Variants in FABP7 observed in about 807,000 individuals in gnomAD.
FABP7 encodes the protein fatty acid binding protein 7.
FABP7 carries 13 observed loss-of-function variants against 14.2 expected under a neutral mutation model. The ratio of observed to expected loss-of-function variants is 0.91; its 90% confidence interval spans 0.59 to 1.45. The LOEUF (loss-of-function observed/expected upper bound fraction) is 1.45, where lower values mean the gene tolerates loss of function less well. Ranked by LOEUF, FABP7 falls within the 40% of genes most tolerant of loss-of-function variation. The pLI, the probability that FABP7 is intolerant of heterozygous loss-of-function variation, is 0.00. For synonymous variants in FABP7, 49 were observed against 51.4 expected (o/e 0.95, Z 0.20); for missense variants, 149 against 157.6 (o/e 0.95, Z 0.29).
In FABP7 at chr6:122,781,080, T is replaced by C; in HGVS notation, c.247-13T>C. 14 of 1,606,970 alleles carry C rather than the reference T, an allele frequency of 8.7e-6. No individual in the cohort carries two copies. Among genetic ancestry groups the C allele is most frequent in the Non-Finnish European group, 1.2e-5 (14 of 1,174,774 alleles). On this transcript the variant is annotated splice_polypyrimidine_tract_variant and intron_variant, in intron 2 of 3. Coordinates refer to ENST00000368444, the MANE Select transcript of FABP7 (RefSeq NM_001446.5). ...ATTTATTGCTATGTTCTGCATTTTG[T>C]TGTTGGTCTCAGTCTGTTGTTAGCC...
the FABP7 span, among the ~76,000 whole-genome samples, chr6:122,758,482 A>G: frequency 6.6e-6 from 1 of 152,194 alleles, no homozygotes; most frequent in African/African-American, 2.4e-5. Flanking sequence ...ACAAAAGATG[A>G]GTGCTGATAG....
chr6:122,781,596 T>A (rs1473806718), intron 3 of FABP7: 1 of 1,171,722 alleles, frequency 8.5e-7, no homozygotes, highest in Non-Finnish European at 1.1e-6. Flanking sequence ...CAGATGACTT[T>A]ATAGCTCCTG....
At chr6:122,778,306 T>C (rs1018724622), upstream of FABP7, among the ~76,000 whole-genome samples, 1 of 152,148 alleles carries the variant, frequency 6.6e-6, no homozygotes, top group African/African-American at 2.4e-5. Context: ...TACAGTTGGG[T>C]GCATGGTGGT....
At chr6:122,770,042 A>C in the FABP7 span, among the ~76,000 whole-genome samples, 1 of 152,256 alleles carries the variant, frequency 6.6e-6, no homozygotes, top group East Asian at 1.9e-4. Flanking sequence ...TCTTCAACAA[A>C]TTCTCTTGCA....
chr6:122,767,841 G>T, the FABP7 span, among the ~76,000 whole-genome samples: 1 of 151,464 alleles, frequency 6.6e-6, no homozygotes, highest in South Asian at 2.1e-4. Context: ...TTGGGTAGGT[G>T]GTTTCCTTAA....
upstream of FABP7, chr6:122,779,704 G>A (rs1780732752): frequency 2.4e-6 from 3 of 1,235,254 alleles, no homozygotes; most frequent in East Asian, 4.7e-5. Flanking sequence ...GGCAGGAGCT[G>A]CTTGCTGAGG....
Position 122,783,716 on chromosome 6 carries a change from G to A in FABP7, c.349-1G>A. The A allele has an allele frequency of 3.7e-6, 6 of 1,602,664 alleles. No homozygotes were observed. Among genetic ancestry groups the A allele is most frequent in the Non-Finnish European group, 5.1e-6 (6 of 1,176,736 alleles). ...ATTTGATTATCTTTTGAACCTTGCA[G>A]ACCCTTACTTTTGGTGATGTGGTTG... On this transcript the variant is annotated splice_acceptor_variant, in intron 3 of 3. Transcript: ENST00000368444. LOFTEE classifies it high-confidence loss of function.
intron 2 of FABP7, 133 bp downstream of exon 2, chr6:122,780,596 C>A (rs1346968025): frequency 3.1e-6 from 3 of 966,572 alleles, no homozygotes; most frequent in African/African-American, 3.3e-5. Context: ...GAGAAATACA[C>A]CAAAGTTAGT....
the FABP7 span, among the ~76,000 whole-genome samples, chr6:122,768,618 G>A: frequency 1.3e-5 from 2 of 152,064 alleles, no homozygotes; most frequent in Admixed American, 1.3e-4. Flanking sequence ...TCACATGTGG[G>A]TGTTTATTAC....
At chr6:122,779,677 C>A, upstream of FABP7, 5 of 917,896 alleles carry the variant, frequency 5.4e-6, no homozygotes, top group South Asian at 7.7e-5. Flanking sequence ...TTTGCCCACC[C>A]TCTTTCCAAA....
the FABP7 span, among the ~76,000 whole-genome samples, chr6:122,762,190 C>T: frequency 3.9e-5 from 6 of 152,280 alleles, no homozygotes; most frequent in Admixed American, 3.9e-4. Flanking sequence ...AGCGTATCCA[C>T]CATGATCAAG....
the FABP7 span, among the ~76,000 whole-genome samples, chr6:122,752,836 T>G: frequency 3.3e-5 from 5 of 152,188 alleles, no homozygotes; most frequent in African/African-American, 7.2e-5. Context: ...TTGCCTAGTC[T>G]TTTGCCATCA....
At chr6:122,761,892 C>G in the FABP7 span, among the ~76,000 whole-genome samples, 1 of 152,016 alleles carries the variant, frequency 6.6e-6, no homozygotes, top group Non-Finnish European at 1.5e-5. Flanking sequence ...ATTGAGGCAA[C>G]AATTAATAGC....
intron 3 of FABP7, 187 bp from the exon 4 acceptor site, chr6:122,783,530 A>G: frequency 2.0e-6 from 2 of 985,112 alleles, no homozygotes; most frequent in Non-Finnish European, 2.4e-6. Flanking sequence ...CTTCATTCTC[A>G]TTTCAGAGAC....
chr6:122,758,619 T>C, the FABP7 span, among the ~76,000 whole-genome samples: 2 of 152,172 alleles, frequency 1.3e-5, no homozygotes, highest in Admixed American at 6.5e-5. Context: ...GAAATGTGAA[T>C]TTATGTCCAT....
At chr6:122,760,297 G>A in the FABP7 span, among the ~76,000 whole-genome samples, 1 of 152,074 alleles carries the variant, frequency 6.6e-6, no homozygotes, top group Admixed American at 6.6e-5. Flanking sequence ...CCTGTAAAAT[G>A]TTCCTCTTTG....
chr6:122,763,479 G>T, the FABP7 span, among the ~76,000 whole-genome samples: 1 of 152,298 alleles, frequency 6.6e-6, no homozygotes, highest in African/African-American at 2.4e-5. Context: ...ATAGGCATGG[G>T]CAAGGACTTC....
At chr6:122,754,972 CTG>C in the FABP7 span, among the ~76,000 whole-genome samples, 1 of 151,874 alleles carries the variant, frequency 6.6e-6, no homozygotes, top group Admixed American at 6.6e-5. Flanking sequence ...TCACCACTAA[CTG>C]TACCACTCCC....
intron 3 of FABP7, chr6:122,781,627 G>T: frequency 2.8e-6 from 3 of 1,067,346 alleles, no homozygotes; most frequent in Non-Finnish European, 1.1e-6. Flanking sequence ...TCTTTAAACA[G>T]TTTATATTTT....
Sources: allele counts gnomAD v4.1 joint callset (sites outside exome capture counted in the v4.1 genomes callset), GRCh38; gene constraint gnomAD v4.1.1; transcripts MANE v1.5; gene names NCBI Gene and HGNC (gene_info 2026-07-23, HGNC 2026-07-21).